The following MBOAT1 variants were observed in gnomAD, a reference collection of about 807,000 sequenced individuals.
MBOAT1 encodes the protein membrane-bound glycerophospholipid O-acyltransferase 1.
A neutral mutation model predicts 64.4 loss-of-function variants in MBOAT1; 67 were observed. The observed-to-expected ratio is 1.04, with a 90% confidence interval of 0.85 to 1.27. The LOEUF (loss-of-function observed/expected upper bound fraction) is 1.27. MBOAT1 is among the 50% of genes most tolerant of loss of function. MBOAT1 has a pLI of 0.00. For missense variants in MBOAT1, 563 were observed against 604.6 expected, an observed-to-expected ratio of 0.93 and a Z score of 0.72; for synonymous variants, 229 against 218.9, an observed-to-expected ratio of 1.05 and a Z score of -0.41.
At chr6:20,161,837 TC>T (rs1200270203) in intron 1 of MBOAT1, among the ~76,000 whole-genome samples, 2 of 152,142 alleles carry the variant, frequency 1.3e-5, no homozygotes, top group Non-Finnish European at 2.9e-5. Context: ...TGGCCTGTAT[TC>T]ATTTTCTAGG....
intron 4 of MBOAT1, among the ~76,000 whole-genome samples, chr6:20,141,927 C>T (rs935051293): frequency 6.6e-6 from 1 of 152,166 alleles, no homozygotes; most frequent in Non-Finnish European, 1.5e-5. Flanking sequence ...AGGCACCTGT[C>T]TTGCATTTCT....
In MBOAT1 at chr6:20,118,516, C is replaced by T. The variant is rs1011488610; in HGVS notation, c.932G>A (p.Gly311Asp). The T allele has an allele frequency of 1.9e-6, 3 of 1,613,820 alleles. No individual in the cohort carries two copies. The highest frequency in any genetic ancestry group is 1.6e-4 in the Middle Eastern group (1 of 6,084). The change falls in exon 9 of 13, where the codon GGC becomes GAC. Residue 311 changes from glycine (G) to aspartate (D), a missense_variant. Gly to Asp is a moderately conservative substitution (Grantham distance 94). Transcript: ENST00000324607. ...CTTATCCACTCCGCTGAACCCAAAG[C>T]CAGCTGCGTTATTCACTGCATCAGC... ...TLADAVNNAA[G>D]FGFSGVDKNG... is the part of the protein sequence containing the mutation.
At position 20,212,305 on chromosome 6, in the gene MBOAT1, G is replaced by A; in HGVS notation, c.-71C>T. 1.4e-6 allele frequency: 2 copies of A among 1,423,792 alleles called. No individual in the cohort carries two copies. Among genetic ancestry groups the A allele is most frequent in the Non-Finnish European group, 1.9e-6 (2 of 1,038,406 alleles). 88.2% of individuals were successfully genotyped at this position (1,423,792 alleles called of 1,614,324 possible). ...CCCCTGCTCGGCGTCCTCCCGCCCG[G>A]GTGCTCTTGGGTGGTTGCCCCGAGA... On this transcript the variant is annotated 5_prime_UTR_variant, in exon 1 of 13. Transcript: ENST00000324607.
intron 6 of MBOAT1, among the ~76,000 whole-genome samples, chr6:20,127,969 C>T (rs1281255030): frequency 1.3e-5 from 2 of 152,054 alleles, no homozygotes; most frequent in Non-Finnish European, 2.9e-5. Flanking sequence ...TTCAATAGTG[C>T]TCCACTGCTT....
intron 3 of MBOAT1, among the ~76,000 whole-genome samples, chr6:20,148,525 G>A (rs192403211): frequency 6.6e-6 from 1 of 152,294 alleles, no homozygotes; most frequent in African/African-American, 2.4e-5. Flanking sequence ...AAAGAGGAGA[G>A]CAATTCATAC....
In MBOAT1 at chr6:20,181,686, C is replaced by G. The variant is rs530750103; in HGVS notation, c.100-28917G>C. Among the ~76,000 whole-genome samples, 6 of 152,322 alleles carry G rather than the reference C, an allele frequency of 3.9e-5. No individual in the cohort carries two copies. In the South Asian group the frequency reaches 1.2e-3, roughly 32 times the overall value. On this transcript the variant is annotated intron_variant, in intron 1 of 12. Transcript: ENST00000324607. ...ACATAAGGCGGCCTCGGTGCCCACGCGTGTGAAACACACACCCTGTGGGTG... is the reference window on the plus strand; with the variant it reads ...ACATAAGGCGGCCTCGGTGCCCACGGGTGTGAAACACACACCCTGTGGGTG...
intron 8 of MBOAT1, among the ~76,000 whole-genome samples, chr6:20,122,825 A>G (rs899365528): frequency 5.5e-5 from 8 of 146,608 alleles, no homozygotes; most frequent in African/African-American, 9.7e-5. Flanking sequence ...TTTTGCCACA[A>G]TGAAAAAAAA....
intron 1 of MBOAT1, among the ~76,000 whole-genome samples, chr6:20,174,356 G>C (rs1052913441): frequency 2.6e-5 from 4 of 152,168 alleles, no homozygotes; most frequent in Non-Finnish European, 5.9e-5. Context: ...GCATACCTAG[G>C]CTAGATGATA....
chr6:20,157,479 G>A (rs1761728804), intron 1 of MBOAT1, among the ~76,000 whole-genome samples: 1 of 152,150 alleles, frequency 6.6e-6, no homozygotes, highest in African/African-American at 2.4e-5. Flanking sequence ...CAGGAATCTA[G>A]GCAAATTTTT....
chr6:20,208,936 C>T (rs766205120), intron 1 of MBOAT1, among the ~76,000 whole-genome samples: 2 of 152,176 alleles, frequency 1.3e-5, no homozygotes, highest in Non-Finnish European at 2.9e-5. Context: ...TCAACATTAT[C>T]ATATCTGTTT....
chr6:20,200,285 G>A (rs1045291029), intron 1 of MBOAT1, among the ~76,000 whole-genome samples: 2 of 152,094 alleles, frequency 1.3e-5, no homozygotes, highest in African/African-American at 4.8e-5. Context: ...AAATTATACA[G>A]GTACGATCTT....
chr6:20,195,410 T>C (rs1050325266), intron 1 of MBOAT1, among the ~76,000 whole-genome samples: 1 of 152,200 alleles, frequency 6.6e-6, no homozygotes, highest in Non-Finnish European at 1.5e-5. Context: ...AATTCTTCCA[T>C]ACACTCTACC....
chr6:20,131,278 A>T, intron 4 of MBOAT1, 79 bp from the exon 5 acceptor site: 2 of 1,243,908 alleles, frequency 1.6e-6, no homozygotes, highest in Non-Finnish European at 1.2e-6. Context: ...CCCAAATCTC[A>T]TCTTGAATTG....
intron 1 of MBOAT1, among the ~76,000 whole-genome samples, chr6:20,175,630 CTTT>C (rs113100366): frequency 2.1e-5 from 3 of 140,408 alleles, no homozygotes; most frequent in Non-Finnish European, 3.1e-5. Context: ...TTCTTTCTTT[CTTT>C]TTTTTTTTTT....
chr6:20,161,033 C>CAA (rs1361202886), intron 1 of MBOAT1, among the ~76,000 whole-genome samples: 3 of 152,182 alleles, frequency 2.0e-5, no homozygotes, highest in Non-Finnish European at 4.4e-5. Flanking sequence ...TGTTAGGAAC[C>CAA]AGGCCACACA....
intron 8 of MBOAT1, among the ~76,000 whole-genome samples, chr6:20,124,001 G>T (rs558432441): frequency 3.3e-5 from 5 of 152,124 alleles, no homozygotes; most frequent in African/African-American, 1.2e-4. Flanking sequence ...AGCTTGCAGT[G>T]AGCCAAGATC....
At chr6:20,124,283 A>T in intron 8 of MBOAT1, 125 bp downstream of exon 8, 2 of 889,346 alleles carry the variant, frequency 2.2e-6, no homozygotes. Context: ...ACTGACCCTG[A>T]CTCAACTGCC....
chr6:20,152,507 A>C (rs752608986), intron 2 of MBOAT1, 117 bp downstream of exon 2: 3 of 1,102,852 alleles, frequency 2.7e-6, no homozygotes, highest in Non-Finnish European at 3.8e-6. Context: ...TTACAATATA[A>C]AATTTTACAA....
chr6:20,102,532 G>A (rs1759832313), intron 12 of MBOAT1, 120 bp from the exon 13 acceptor site: 2 of 751,806 alleles, frequency 2.7e-6, no homozygotes, highest in Non-Finnish European at 4.2e-6. Flanking sequence ...TAGGAGGCCT[G>A]TCTACACTCA....
Sources: gnomAD v4.1 joint callset for allele counts (sites outside exome capture counted in the v4.1 genomes callset) on GRCh38, gnomAD v4.1.1 for gene constraint, MANE v1.5 for transcripts, NCBI Gene and HGNC (gene_info 2026-07-23, HGNC 2026-07-21) for gene names.